The following BAZ2A variants were observed in gnomAD, a reference collection of about 807,000 sequenced individuals.
BAZ2A encodes the protein bromodomain adjacent to zinc finger domain 2A.
A neutral mutation model predicts 199.9 loss-of-function variants in BAZ2A; 34 were observed. That is an observed-to-expected ratio of 0.17 (90% confidence interval 0.13 to 0.23). BAZ2A has a LOEUF of 0.23. BAZ2A is among the 10% of genes least tolerant of loss of function. BAZ2A has a pLI of 1.00. For synonymous variants in BAZ2A, 857 were observed against 883.9 expected (o/e 0.97, Z 0.54); for missense variants, 2,002 against 2,391.1 (o/e 0.84, Z 3.39).
Position 56,621,888 on chromosome 12 carries a change from C to T in BAZ2A, c.-2-4356G>A, listed in dbSNP as rs188090545. Among the ~76,000 whole-genome samples the T allele has an allele frequency of 2.2e-4, 34 of 152,134 alleles. 2 individuals are homozygous for T. In the East Asian group the frequency reaches 6.4e-3, roughly 29 times the overall value. ...ATTTTTTTGTAGACACAGGGTCTCGCTATGTTGCCCATGATGGTCTCAAAT... is the reference window on the plus strand; with the variant it reads ...ATTTTTTTGTAGACACAGGGTCTCGTTATGTTGCCCATGATGGTCTCAAAT... On this transcript the variant is annotated intron_variant, in intron 1 of 28. Transcript: ENST00000549884.
In BAZ2A at chr12:56,599,364, T is replaced by C; in HGVS notation, c.5173-6A>G. ...GTGAATTCTCCCTCCACCTGCTTAG[T>C]ATAGGAAACAGGTGAGATTAGCAAC... On this transcript the variant is annotated splice_region_variant and splice_polypyrimidine_tract_variant and intron_variant, in intron 26 of 28. Transcript: ENST00000549884. 1 of 1,610,656 alleles carries C rather than the reference T, an allele frequency of 6.2e-7. No homozygotes were observed. The highest frequency in any genetic ancestry group is 8.5e-7 in the Non-Finnish European group (1 of 1,178,990).
In BAZ2A at chr12:56,600,467, G is replaced by A; in HGVS notation, c.4626C>T (p.Asp1542=). 6.2e-7 allele frequency: 1 copy of A among 1,613,618 alleles called. No homozygotes were observed. Among genetic ancestry groups the A allele is most frequent in the Non-Finnish European group, 8.5e-7 (1 of 1,179,854 alleles). ...AGTAGGCCAAGTCTTCACGGGTAGA[G>A]TCTGGGCTAGGACATGTCCAGCCCT... ...QIRGWTCPSP[D]STREDLAYCE... is the part of the protein sequence containing the mutation. The change falls in exon 24 of 29, where the codon GAC becomes GAT. Residue 1542 remains aspartate, a synonymous_variant. Transcript: ENST00000549884.
At chr12:56,610,614 A>C in intron 7 of BAZ2A, 97 bp from the exon 8 acceptor site, 1 of 1,031,592 alleles carries the variant, frequency 9.7e-7, no homozygotes. Context: ...GGCCCTCCCC[A>C]CATTTGTATC....
chr12:56,620,459 C>T (rs1016867718), intron 1 of BAZ2A, among the ~76,000 whole-genome samples: 5 of 152,032 alleles, frequency 3.3e-5, no homozygotes, highest in African/African-American at 1.2e-4. Flanking sequence ...CAAGATCATG[C>T]CACTGCATTC....
chr12:56,614,069 A>C lies in BAZ2A; in HGVS notation c.800T>G (p.Leu267Arg). 2 of 1,614,040 alleles carry C rather than the reference A, an allele frequency of 1.2e-6. No homozygotes were observed. Among genetic ancestry groups the C allele is most frequent in the Non-Finnish European group, 1.7e-6 (2 of 1,179,872 alleles). Residue 267 changes from leucine to arginine, a missense_variant, in exon 4 of 29, where the codon CTG (leucine) becomes CGG (arginine). By Grantham distance (102) the Leu-to-Arg change is moderately radical. Coordinates refer to ENST00000549884, the MANE Select transcript of BAZ2A (RefSeq NM_001300905.2). ...ACAGCTCACTGTGGGGTCAGGGACC[A>C]GGACTGAGACCTCTTGGTGTAACGA... ...VESLHQEVSV[L>R]VPDPTVSCLD...
rs1592547343 is a variant in BAZ2A at position 56,599,153 on chromosome 12, T to C, written c.5378A>G (p.His1793Arg). ...CTCGCAAAATGTGAGATCACTGTGG[T>C]GGTTCCGCATAGAGAGTCGCCGCCG... Reference protein sequence around the residue: ...SKRRRLSMRNHHSDLTFCEII... With the variant: ...SKRRRLSMRNRHSDLTFCEII... The change falls in exon 27 of 29, where the codon CAC becomes CGC. Residue 1793 changes from histidine to arginine, a missense_variant. Physicochemically the swap from His to Arg is conservative, Grantham distance 29 (BLOSUM62 0). Around this residue, in one of 6 missense-constraint regions of BAZ2A, gnomAD observed 122 missense variants for 123.0 expected, o/e 0.99. Coordinates refer to ENST00000549884, the MANE Select transcript of BAZ2A (RefSeq NM_001300905.2). 6.2e-7 allele frequency: 1 copy of C among 1,612,292 alleles called. No homozygotes were observed.
In BAZ2A at chr12:56,605,081, A is replaced by T; in HGVS notation, c.2740T>A (p.Tyr914Asn). Residue 914 changes from tyrosine (Y) to asparagine (N), a missense_variant, in exon 14 of 29, where the codon TAC (tyrosine) becomes AAC (asparagine). Coordinates refer to ENST00000549884, the MANE Select transcript of BAZ2A (RefSeq NM_001300905.2). Reference sequence around the variant, plus strand: ...GAGGGACTTGCACTCACCTGACAGTAGGAGGGAAAGCCAGGATCATGGAGT... The same window carrying T: ...GAGGGACTTGCACTCACCTGACAGTTGGAGGGAAAGCCAGGATCATGGAGT... Reference protein sequence around the residue: ...AALHDPGFPSYCQSLKILGEK... With the variant: ...AALHDPGFPSNCQSLKILGEK... The T allele has an allele frequency of 6.2e-7, 1 of 1,604,630 alleles. No individual in the cohort carries two copies. Among genetic ancestry groups the T allele is most frequent in the African/African-American group, 1.3e-5 (1 of 74,912 alleles).
chr12:56,628,138 C>T (rs543018116), intron 1 of BAZ2A, among the ~76,000 whole-genome samples: 130 of 116,790 alleles, frequency 1.1e-3, no homozygotes, highest in Middle Eastern at 6.8e-3. Flanking sequence ...GACAAGATCA[C>T]ACCACTCCAG....
At position 56,603,387 on chromosome 12, in the gene BAZ2A, A is replaced by G; in HGVS notation, c.3251T>C (p.Leu1084Pro). ...GCTGAGTTTTTCTATCTGGCGCTCT[A>G]GCTCTGGGATGCTAGATGCTGTGGC... is the stretch of plus-strand genomic sequence containing the variant. Reference protein sequence around the residue: ...VDATASSIPELERQIEKLSKR... With the variant: ...VDATASSIPEPERQIEKLSKR... The change falls in exon 18 of 29, where the codon CTA (leucine) becomes CCA (proline). Residue 1084 changes from leucine to proline, a missense_variant. Physicochemically the swap from Leu to Pro is moderately conservative, Grantham distance 98. This residue lies in a region of BAZ2A where 1,081 missense variants were observed against 1,274.7 expected (regional missense o/e 0.85). Coordinates refer to ENST00000549884, the MANE Select transcript of BAZ2A (RefSeq NM_001300905.2). The G allele has an allele frequency of 6.2e-7, 1 of 1,614,032 alleles. No homozygotes were observed. The highest frequency in any genetic ancestry group is 8.5e-7 in the Non-Finnish European group (1 of 1,179,882).
rs1198741141 is a variant in BAZ2A, at chr12:56,601,191, G to C, written c.4283C>G (p.Pro1428Arg). The C allele has an allele frequency of 1.9e-6, 3 of 1,614,078 alleles. No homozygotes were observed. The South Asian group carries it at 3.3e-5, about 18-fold the overall frequency. The part of the protein sequence containing the change: ...QRYLTQLTAQ[P>R]VPPEMCSGWW... ...CCAAGGTCACTCACCAGGTGGGACAGGCTGGGCTGTCAGCTGGGTTAGGTA... is the reference window on the plus strand; with the variant it reads ...CCAAGGTCACTCACCAGGTGGGACACGCTGGGCTGTCAGCTGGGTTAGGTA... Residue 1428 changes from proline (P) to arginine (R), a missense_variant, in exon 21 of 29, where the codon CCT becomes CGT. Transcript: ENST00000549884.
chr12:56,623,105 G>A (rs1950973303), intron 1 of BAZ2A, among the ~76,000 whole-genome samples: 1 of 151,966 alleles, frequency 6.6e-6, no homozygotes, highest in African/African-American at 2.4e-5. Flanking sequence ...GCGTGGTGGC[G>A]GGCACCTGTA....
upstream of BAZ2A, among the ~76,000 whole-genome samples, chr12:56,633,073 A>G (rs1415043504): frequency 6.6e-6 from 1 of 151,932 alleles, no homozygotes; most frequent in African/African-American, 2.4e-5. Flanking sequence ...AATAGGCTGA[A>G]CCTCCCTCAA....
rs1472196210 is a variant in BAZ2A, at chr12:56,598,272, A to AGGGGAGGAGAGGAAGC, written c.*330_*345dup. ...AACCCCAGAATGCTGGGGCACGTAC[A>AGGGGAGGAGAGGAAGC]GGGGAGGAGAGGAAGCAGGGAGGAG... is the stretch of plus-strand genomic sequence containing the variant. On this transcript the variant is annotated 3_prime_UTR_variant, in exon 29 of 29. Transcript: ENST00000549884. The AGGGGAGGAGAGGAAGC allele has an allele frequency of 4.4e-5, 12 of 272,898 alleles. No individual in the cohort carries two copies. In the East Asian group the frequency reaches 9.4e-4, roughly 21 times the overall value. 16.9% of individuals were successfully genotyped at this position (272,898 alleles called of 1,614,324 possible).
chr12:56,613,825 G>A (rs1950634456), intron 4 of BAZ2A, 128 bp downstream of exon 4: 1 of 983,670 alleles, frequency 1.0e-6, no homozygotes, highest in East Asian at 2.7e-5. Flanking sequence ...ACTGTGGTCT[G>A]CCTTAGGCCT....
At chr12:56,632,714 A>G (rs538194212), upstream of BAZ2A, among the ~76,000 whole-genome samples, 2 of 152,324 alleles carry the variant, frequency 1.3e-5, no homozygotes, top group African/African-American at 4.8e-5. Flanking sequence ...CATCTGGTGC[A>G]GAAAGACTAC....
At chr12:56,613,678 C>T (rs1282838405) in intron 4 of BAZ2A, among the ~76,000 whole-genome samples, 6 of 152,206 alleles carry the variant, frequency 3.9e-5, no homozygotes, top group African/African-American at 1.4e-4. Context: ...GAAAGATCAA[C>T]TGTGTGATAA....
intron 3 of BAZ2A, 55 bp downstream of exon 3, chr12:56,614,959 T>A: frequency 6.6e-7 from 1 of 1,507,814 alleles, no homozygotes; most frequent in Non-Finnish European, 9.0e-7. Flanking sequence ...AAAGCCACTA[T>A]CCCCCCCGAG....
intron 1 of BAZ2A, among the ~76,000 whole-genome samples, chr12:56,625,689 A>G (rs1164623231): frequency 6.6e-6 from 1 of 151,712 alleles, no homozygotes; most frequent in Non-Finnish European, 1.5e-5. Context: ...CATCCTGGCT[A>G]ACACGGTGAA....
chr12:56,621,841 A>G (rs2137206287), intron 1 of BAZ2A, among the ~76,000 whole-genome samples: 2 of 151,954 alleles, frequency 1.3e-5, no homozygotes, highest in East Asian at 3.9e-4. Flanking sequence ...GGTGCTCACC[A>G]CCACACCTGG....
Sources: gnomAD v4.1 joint callset for allele counts (sites outside exome capture counted in the v4.1 genomes callset) on GRCh38, gnomAD v4.1.1 for gene constraint, gnomAD v4.1.1 regional missense constraint, MANE v1.5 for transcripts, NCBI Gene and HGNC (gene_info 2026-07-23, HGNC 2026-07-21) for gene names.